Variants in EBF1 observed in about 807,000 individuals in gnomAD.
EBF1 encodes the protein EBF transcription factor 1.
In EBF1, 10 loss-of-function variants were observed where a neutral mutation model predicts 68.4. The observed-to-expected ratio is 0.15, with a 90% confidence interval of 0.09 to 0.25. EBF1 has a LOEUF of 0.25. Ranked by LOEUF, EBF1 falls within the 10% of genes least tolerant of loss-of-function variation. The probability of loss-of-function intolerance (pLI) is 1.00; values close to 1 mark genes in which losing one functional copy is unlikely to be tolerated. For synonymous variants in EBF1, 298 were observed against 299.8 expected (o/e 0.99, Z 0.06); for missense variants, 509 against 794.4 (o/e 0.64, Z 4.32).
chr5:158,769,871 G>A (rs895272228), intron 10 of EBF1, among the ~76,000 whole-genome samples: 4 of 152,130 alleles, frequency 2.6e-5, no homozygotes, highest in African/African-American at 4.8e-5. Flanking sequence ...GGAGCAGCCT[G>A]TGAATTTTTC....
intron 6 of EBF1, among the ~76,000 whole-genome samples, chr5:158,953,996 A>G (rs1448737264): frequency 6.6e-6 from 1 of 152,244 alleles, no homozygotes; most frequent in African/African-American, 2.4e-5. Context: ...ATTTATATGA[A>G]TAGCAAGATG....
chr5:158,790,966 T>G (rs1778473035), intron 9 of EBF1, among the ~76,000 whole-genome samples: 2 of 152,300 alleles, frequency 1.3e-5, no homozygotes, highest in African/African-American at 4.8e-5. Context: ...AGGAGCAGTT[T>G]CCACCTGCCA....
intron 9 of EBF1, among the ~76,000 whole-genome samples, chr5:158,795,318 G>T (rs1779417135): frequency 6.6e-6 from 1 of 152,138 alleles, no homozygotes; most frequent in South Asian, 2.1e-4. Context: ...CTGCTCTCTG[G>T]CTATGTAACT....
intron 10 of EBF1, among the ~76,000 whole-genome samples, chr5:158,760,535 A>G (rs1771186066): frequency 1.3e-5 from 2 of 152,160 alleles, no homozygotes; most frequent in South Asian, 4.2e-4. Context: ...GGCAATATAG[A>G]TTTCTGAGCT....
At chr5:158,901,222 A>C (rs1803244325) in intron 6 of EBF1, among the ~76,000 whole-genome samples, 1 of 152,208 alleles carries the variant, frequency 6.6e-6, no homozygotes, top group South Asian at 2.1e-4. Flanking sequence ...ATTTGAACCT[A>C]CTTTCTCCAT....
In EBF1 at chr5:158,699,278, T is replaced by C. The variant is rs901636572; in HGVS notation, c.1745-136A>G. 3.1e-5 allele frequency: 24 copies of C among 780,580 alleles called. 1 individual carries two copies. The South Asian group carries it at 3.2e-4, about 10-fold the overall frequency. The allele number at this position is 780,580 out of a possible 1,614,324, so 48.4% of individuals were successfully genotyped here. On this transcript the variant is annotated intron_variant, in intron 15 of 15. Coordinates refer to ENST00000313708, the MANE Select transcript of EBF1 (RefSeq NM_024007.5). ...ACTATTAGCCACAAATTTGCTCTCA[T>C]CTTCTCTGGAATGAATTTTCGTTAT... is the stretch of plus-strand genomic sequence containing the variant.
chr5:158,813,020 G>A, intron 8 of EBF1, among the ~76,000 whole-genome samples: 1 of 152,070 alleles, frequency 6.6e-6, no homozygotes, highest in East Asian at 1.9e-4. Context: ...ACTGTTTCCT[G>A]GTGACTTGAA....
At chr5:158,911,570 T>C (rs1222789912) in intron 6 of EBF1, among the ~76,000 whole-genome samples, 3 of 152,116 alleles carry the variant, frequency 2.0e-5, no homozygotes, top group Non-Finnish European at 4.4e-5. Flanking sequence ...CAAGCTATAA[T>C]CCATTACCAC....
intron 10 of EBF1, among the ~76,000 whole-genome samples, chr5:158,756,874 C>A (rs1219782567): frequency 1.3e-5 from 2 of 151,084 alleles, no homozygotes; most frequent in African/African-American, 4.9e-5. Flanking sequence ...AATGTGGACA[C>A]GTGGGCACTA....
At chr5:158,992,917 CTTTTTTTTTTTTTT>C (rs148629320) in intron 6 of EBF1, among the ~76,000 whole-genome samples, 1 of 72,826 alleles carries the variant, frequency 1.4e-5, no homozygotes, top group Non-Finnish European at 2.4e-5. Context: ...CTGTTTCTTT[CTTTTTTTTTTTTTT>C]TTTTTTTTTT....
chr5:158,941,119 G>GA (rs1238187122), intron 6 of EBF1: 2 of 449,422 alleles, frequency 4.5e-6, no homozygotes, highest in Non-Finnish European at 8.9e-6. Flanking sequence ...GGGGTGGACA[G>GA]AAAAAAGATG....
intron 6 of EBF1, among the ~76,000 whole-genome samples, chr5:158,844,906 T>C (rs1419102345): frequency 1.3e-5 from 2 of 152,304 alleles, no homozygotes; most frequent in African/African-American, 4.8e-5. Flanking sequence ...CATACCTGTA[T>C]CACCTTTTAC....
At chr5:158,951,975 A>G (rs1051021796) in intron 6 of EBF1, among the ~76,000 whole-genome samples, 3 of 152,228 alleles carry the variant, frequency 2.0e-5, no homozygotes, top group Admixed American at 2.0e-4. Flanking sequence ...TTTTATTAGC[A>G]GAAACAAATG....
intron 8 of EBF1, among the ~76,000 whole-genome samples, chr5:158,803,351 GGT>G (rs76596800): frequency 3.3e-5 from 3 of 92,286 alleles, no homozygotes; most frequent in African/African-American, 4.8e-5. Context: ...TGTTTTTGCT[GGT>G]GTTTTTTTTT....
At chr5:158,725,241 G>A (rs1004015302) in intron 11 of EBF1, among the ~76,000 whole-genome samples, 3 of 152,120 alleles carry the variant, frequency 2.0e-5, no homozygotes, top group Admixed American at 6.5e-5. Context: ...ATACTATGGT[G>A]CTTGACATTC....
chr5:158,976,899 C>T (rs1047841712), intron 6 of EBF1, among the ~76,000 whole-genome samples: 2 of 152,182 alleles, frequency 1.3e-5, no homozygotes, highest in African/African-American at 4.8e-5. Context: ...TTGGTTCAGG[C>T]AGTGAATGTC....
chr5:159,003,849 G>C (rs1763036432), intron 6 of EBF1, among the ~76,000 whole-genome samples: 1 of 152,220 alleles, frequency 6.6e-6, no homozygotes, highest in Admixed American at 6.5e-5. Context: ...GCTCCTTTGA[G>C]ATCATGGATG....
At chr5:159,020,231 A>G (rs1766401483) in intron 6 of EBF1, among the ~76,000 whole-genome samples, 1 of 152,202 alleles carries the variant, frequency 6.6e-6, no homozygotes, top group Admixed American at 6.5e-5. Context: ...CAAAGGATCA[A>G]TTGATGGGCT....
At chr5:158,893,284 T>C (rs1364248837) in intron 6 of EBF1, among the ~76,000 whole-genome samples, 1 of 152,232 alleles carries the variant, frequency 6.6e-6, no homozygotes, top group East Asian at 1.9e-4. Context: ...TCAACTTGAC[T>C]CTGTAGTCTT....
Sources: gnomAD v4.1 joint callset for allele counts (sites outside exome capture counted in the v4.1 genomes callset) on GRCh38, gnomAD v4.1.1 for gene constraint, MANE v1.5 for transcripts, NCBI Gene and HGNC (gene_info 2026-07-23, HGNC 2026-07-21) for gene names.